The following KIAA1549L variants were observed in gnomAD, a reference collection of about 807,000 sequenced individuals.
The protein encoded by KIAA1549L is UPF0606 protein KIAA1549L.
Under a neutral mutation model 160.7 loss-of-function variants are expected in KIAA1549L, and 88 were observed. The observed-to-expected ratio is 0.55, with a 90% CI of 0.46 to 0.65. KIAA1549L has a LOEUF of 0.65. Among genes scored for constraint, KIAA1549L ranks in the 30% least tolerant of loss-of-function variants. The pLI is 0.00. For synonymous variants in KIAA1549L, 950 were observed against 976.7 expected, an observed-to-expected ratio of 0.97 and a Z score of 0.51; for missense variants, 2,258 against 2,437.5, an observed-to-expected ratio of 0.93 and a Z score of 1.55.
At chr11:33,508,194 C>T (rs1853138728) in intron 1 of KIAA1549L, among the ~76,000 whole-genome samples, 1 of 152,222 alleles carries the variant, frequency 6.6e-6, no homozygotes, top group Non-Finnish European at 1.5e-5. Flanking sequence ...GCTGCAAGGG[C>T]ATCTGGGAAG....
Position 33,544,580 on chromosome 11 carries a change from T to G in KIAA1549L, c.2774-187T>G, listed in dbSNP as rs1854169530. Among the ~76,000 whole-genome samples, 6 of 152,216 alleles carry G rather than the reference T, an allele frequency of 3.9e-5. No individual in the cohort carries two copies. In the South Asian group the frequency reaches 1.2e-3, roughly 31 times the overall value. On this transcript the variant is annotated intron_variant, in intron 2 of 20. Transcript: ENST00000658780. ...CTATCAACCATAGCTGTGCTGTAAGTGGCATTCTTGTTATGGTTAATCAAG... is the reference window on the plus strand; with the variant it reads ...CTATCAACCATAGCTGTGCTGTAAGGGGCATTCTTGTTATGGTTAATCAAG...
rs760939108 is a variant in KIAA1549L at position 33,608,771 on chromosome 11, G to T, written c.5062-978G>T. Among the ~76,000 whole-genome samples the T allele has an allele frequency of 3.7e-4, 57 of 152,320 alleles. 1 individual carries two copies. Among genetic ancestry groups the T allele is most frequent in the Non-Finnish European group, 3.1e-4 (21 of 68,032 alleles). ...GCTGTATTTTGGTAGTTAAAGGAAT[G>T]GACCTTGCTGGCATTTGGATTGGAA... is the stretch of plus-strand genomic sequence containing the variant. On this transcript the variant is annotated intron_variant, in intron 14 of 20. Coordinates refer to ENST00000658780, the MANE Select transcript of KIAA1549L (RefSeq NM_012194.3).
chr11:33,530,466 T>A (rs1253545001), intron 1 of KIAA1549L, among the ~76,000 whole-genome samples: 1 of 55,750 alleles, frequency 1.8e-5, no homozygotes, highest in Non-Finnish European at 4.1e-5. Context: ...TATATATATA[T>A]ATATATATAT....
chr11:33,605,583 C>G (rs1204235418), intron 13 of KIAA1549L, among the ~76,000 whole-genome samples: 1 of 152,178 alleles, frequency 6.6e-6, no homozygotes, highest in African/African-American at 2.4e-5. Flanking sequence ...ATTTACTTGG[C>G]TTAATTTGAC....
At position 33,542,292 on chromosome 11, in the gene KIAA1549L, C is replaced by T; in HGVS notation, c.729C>T (p.Leu243=). The T allele has an allele frequency of 1.5e-6, 1 of 647,570 alleles. No homozygotes were observed. Among genetic ancestry groups the T allele is most frequent in the South Asian group, 1.8e-5 (1 of 56,106 alleles). The allele number at this position is 647,570 out of a possible 1,614,324, so 40.1% of individuals were successfully genotyped here. ...HPPRSDIPPL[L]PLPPSSSLAP... ...CAAGGTCAGACATTCCCCCACTCCT[C>T]CCTCTACCTCCATCCTCTTCATTGG... The change falls in exon 2 of 21, where the codon CTC becomes CTT. Residue 243 remains leucine (L), a synonymous_variant. Transcript: ENST00000658780.
At chr11:33,633,685 G>C (rs141207213) in intron 16 of KIAA1549L, among the ~76,000 whole-genome samples, 56 of 152,296 alleles carry the variant, frequency 3.7e-4, no homozygotes, top group African/African-American at 1.2e-3. Context: ...GTTTACTTTC[G>C]GGTGGATTCC....
intron 1 of KIAA1549L, among the ~76,000 whole-genome samples, chr11:33,379,835 A>G (rs900355595): frequency 6.6e-6 from 1 of 152,196 alleles, no homozygotes; most frequent in Non-Finnish European, 1.5e-5. Context: ...GCTGTTTTAA[A>G]ATGGCAGAAA....
At chr11:33,445,669 T>C (rs1323630) in intron 1 of KIAA1549L, among the ~76,000 whole-genome samples, 26,915 of 152,250 alleles carry the variant, frequency 0.18, 2,730 homozygotes, top group East Asian at 0.32. Flanking sequence ...TTACTTGCGG[T>C]GTGACCTTGA....
intron 7 of KIAA1549L, among the ~76,000 whole-genome samples, chr11:33,561,085 A>G (rs1854842872): frequency 6.6e-6 from 1 of 152,232 alleles, no homozygotes; most frequent in African/African-American, 2.4e-5. Flanking sequence ...CCATACTTGT[A>G]AAGAAATATG....
chr11:33,430,466 A>G (rs953400402), intron 1 of KIAA1549L, among the ~76,000 whole-genome samples: 1 of 152,204 alleles, frequency 6.6e-6, no homozygotes, highest in Non-Finnish European at 1.5e-5. Flanking sequence ...ACTTGCCCTG[A>G]GGCTATCCTT....
At chr11:33,659,859 G>T (rs2133443839) in intron 19 of KIAA1549L, among the ~76,000 whole-genome samples, 1 of 152,332 alleles carries the variant, frequency 6.6e-6, no homozygotes, top group South Asian at 2.1e-4. Flanking sequence ...AGCAGATGAT[G>T]CCCTTTCATT....
chr11:33,505,880 T>C (rs1435708051), intron 1 of KIAA1549L, among the ~76,000 whole-genome samples: 1 of 152,212 alleles, frequency 6.6e-6, no homozygotes, highest in Admixed American at 6.5e-5. Flanking sequence ...TATACGATAA[T>C]AATCGATTAT....
chr11:33,566,241 A>C (rs911805259), intron 8 of KIAA1549L, among the ~76,000 whole-genome samples: 8 of 151,732 alleles, frequency 5.3e-5, no homozygotes, highest in Non-Finnish European at 1.2e-4. Context: ...CCCTGATGAC[A>C]CCTCTCGACT....
intron 8 of KIAA1549L, among the ~76,000 whole-genome samples, chr11:33,567,499 T>A (rs1361251351): frequency 2.6e-5 from 4 of 152,104 alleles, no homozygotes; most frequent in Non-Finnish European, 4.4e-5. Context: ...AGGGTGGGCA[T>A]TCAAAGGACT....
chr11:33,563,371 A>G (rs1854938260), intron 8 of KIAA1549L, among the ~76,000 whole-genome samples: 1 of 145,172 alleles, frequency 6.9e-6, no homozygotes, highest in Non-Finnish European at 1.5e-5. Context: ...AAAAAAAAGA[A>G]TTGGAAGTGG....
Position 33,591,310 on chromosome 11 carries a change from C to A in KIAA1549L, c.4640C>A (p.Thr1547Asn). 1.9e-6 allele frequency: 3 copies of A among 1,613,520 alleles called. No homozygotes were observed. The highest frequency in any genetic ancestry group is 2.5e-6 in the Non-Finnish European group (3 of 1,179,480). Residue 1547 changes from threonine (T) to asparagine (N), a missense_variant, in exon 12 of 21, where the codon ACT becomes AAT. Coordinates refer to ENST00000658780, the MANE Select transcript of KIAA1549L (RefSeq NM_012194.3). ...GCAGATGAGGAGGTCATCCCTGTGA[C>A]TCAGGAGACAGTGGTTCTCCCACTG... is the stretch of plus-strand genomic sequence containing the variant. ...QGADEEVIPV[T>N]QETVVLPLPI... is the part of the protein sequence containing the mutation.
At chr11:33,539,166 AAGTC>A (rs1366501658) in intron 1 of KIAA1549L, among the ~76,000 whole-genome samples, 2 of 152,082 alleles carry the variant, frequency 1.3e-5, no homozygotes, top group Non-Finnish European at 2.9e-5. Flanking sequence ...ATTTTTTTTT[AAGTC>A]AGTCAATTCT....
chr11:33,665,127 C>A (rs1198503914), intron 20 of KIAA1549L: 1 of 152,334 alleles, frequency 6.6e-6, no homozygotes, highest in African/African-American at 2.4e-5. Flanking sequence ...TATCAGTTTT[C>A]TTCCTGGAAA....
chr11:33,413,464 C>G (rs1253494051), intron 1 of KIAA1549L, among the ~76,000 whole-genome samples: 1 of 149,658 alleles, frequency 6.7e-6, no homozygotes, highest in Non-Finnish European at 1.5e-5. Context: ...AGCAATACGT[C>G]TTAACATTCT....
Sources: gnomAD v4.1 joint callset for allele counts (sites outside exome capture counted in the v4.1 genomes callset) on GRCh38, gnomAD v4.1.1 for gene constraint, MANE v1.5 for transcripts, NCBI Gene and HGNC (gene_info 2026-07-23, HGNC 2026-07-21) for gene names.